PACS2: variants seen among roughly 807,000 people sequenced by gnomAD.
PACS2 encodes PACS1-like protein.
A neutral mutation model predicts 113.0 loss-of-function variants in PACS2; 36 were observed. That is an observed-to-expected ratio of 0.32 (90% CI 0.24 to 0.42). The LOEUF is 0.42. PACS2 is among the 10% of genes least tolerant of loss of function. The probability of loss-of-function intolerance (pLI) is 1.00; values close to 1 mark genes in which losing one functional copy is unlikely to be tolerated. For missense variants in PACS2, 1,015 were observed against 1,239.5 expected (o/e 0.82, Z 2.72); for synonymous variants, 589 against 536.1 (o/e 1.10, Z -1.36).
rs2141005863 is a variant in PACS2, at chr14:105,348,769, G to A, written c.207+189G>A. 1.7e-6 allele frequency: 1 copy of A among 580,844 alleles called. No homozygotes were observed. The highest frequency in any genetic ancestry group is 3.0e-5 in the Admixed American group (1 of 33,276). The allele number at this position is 580,844 out of a possible 1,614,324, so 36.0% of individuals were successfully genotyped here. A position where few individuals can be genotyped will look rare whatever the true frequency, so the allele number is the denominator to read the frequency against. ...TGGGTCCAGTCCTGTCCCGCACAAG[G>A]GAGGCAGGCCCGGCCTTCTGGGATG... On this transcript the variant is annotated intron_variant, in intron 2 of 24. Transcript: ENST00000447393. This position sits in a 1 kb window ranked among gnomAD's most constrained non-coding sequence, Gnocchi z 6.4.
chr14:105,362,765 C>A (rs2060777185), intron 4 of PACS2, among the ~76,000 whole-genome samples: 1 of 151,732 alleles, frequency 6.6e-6, no homozygotes, highest in South Asian at 2.1e-4. Flanking sequence ...GCAGGAGAAT[C>A]GCTTGAACCT....
chr14:105,384,006 C>G, intron 16 of PACS2: 1 of 328,374 alleles, frequency 3.0e-6, no homozygotes, highest in Middle Eastern at 9.8e-4. Flanking sequence ...TGTTGACCAG[C>G]AGCAAGGCCT....
At position 105,382,531 on chromosome 14, in the gene PACS2, C is replaced by T; in HGVS notation, c.1468C>T (p.Gln490Ter). Residue 490 changes from glutamine (Q) to a stop codon, truncating the protein, a stop_gained, in exon 14 of 25, where the codon CAG becomes TAG. Transcript: ENST00000447393. LOFTEE classifies it high-confidence loss of function. ...CAACCACATCCTCATCTCCGATGAC[C>T]AGCTTCCCGAAAACATCATCCTTGT... ...QLNHILISDD[Q>*]LPENIILVNT... 6.2e-7 allele frequency: 1 copy of T among 1,613,536 alleles called. No individual in the cohort carries two copies. Among genetic ancestry groups the T allele is most frequent in the Non-Finnish European group, 8.5e-7 (1 of 1,179,478 alleles).
chr14:105,380,505 C>T (rs190517269), intron 11 of PACS2, among the ~76,000 whole-genome samples: 2,125 of 148,956 alleles, frequency 0.014, 59 homozygotes, highest in African/African-American at 0.05. Flanking sequence ...ACTCACCCCA[C>T]CCTCAGGGTC....
chr14:105,343,075 G>T (rs2059794362), intron 1 of PACS2, among the ~76,000 whole-genome samples: 1 of 152,066 alleles, frequency 6.6e-6, no homozygotes, highest in African/African-American at 2.4e-5. Context: ...GTCCCCAGCA[G>T]CCACCCTCCC....
At chr14:105,333,254 T>C (rs2059373481) in intron 1 of PACS2, among the ~76,000 whole-genome samples, 3 of 152,168 alleles carry the variant, frequency 2.0e-5, no homozygotes, top group African/African-American at 7.2e-5. Context: ...GCTGGAGTCA[T>C]CCTCCTGCCC....
At chr14:105,300,823 C>T (rs896614532) in exon 1 of PACS2, 5 of 208,020 alleles carry the variant, frequency 2.4e-5, no homozygotes, top group African/African-American at 1.2e-4. Context: ...CGGCCGCGCC[C>T]GCGGGATGGG....
intron 1 of PACS2, among the ~76,000 whole-genome samples, chr14:105,332,737 TC>T (rs1309013556): frequency 6.6e-6 from 1 of 151,942 alleles, no homozygotes; most frequent in African/African-American, 2.4e-5. Flanking sequence ...GAGGTCTGAG[TC>T]CCCCGCAGGA....
chr14:105,361,181 G>A (rs181251545), intron 4 of PACS2, among the ~76,000 whole-genome samples: 92 of 152,280 alleles, frequency 6.0e-4, no homozygotes, highest in African/African-American at 2.1e-3. Flanking sequence ...AATCACAGAT[G>A]TTCTTCATGG....
intron 18 of PACS2, among the ~76,000 whole-genome samples, chr14:105,385,437 G>A (rs184304567): frequency 3.5e-4 from 54 of 152,286 alleles, no homozygotes; most frequent in Admixed American, 2.5e-3. Context: ...GCCCCCGGCC[G>A]AAAGTCCTGC....
intron 1 of PACS2, among the ~76,000 whole-genome samples, chr14:105,326,495 G>A (rs2059114110): frequency 6.6e-6 from 1 of 152,252 alleles, no homozygotes; most frequent in African/African-American, 2.4e-5. Flanking sequence ...TCGTTCCTCT[G>A]AGCACCAAGG....
intron 18 of PACS2, 66 bp from the exon 19 acceptor site, chr14:105,385,619 G>A (rs1224942058): frequency 1.5e-5 from 17 of 1,168,646 alleles, no homozygotes; most frequent in Non-Finnish European, 1.7e-5. Flanking sequence ...GCCCTCGGCG[G>A]TCCCTGGAGG....
chr14:105,359,075 A>T (rs1595689246), intron 4 of PACS2, among the ~76,000 whole-genome samples: 4 of 152,042 alleles, frequency 2.6e-5, no homozygotes, highest in Admixed American at 2.6e-4. Flanking sequence ...GCCTGGTCAC[A>T]CACACGTCCA....
chr14:105,382,758 G>C (rs1468713786), intron 14 of PACS2, 49 bp from the exon 15 acceptor site: 1 of 1,219,454 alleles, frequency 8.2e-7, no homozygotes, highest in Non-Finnish European at 1.2e-6. Flanking sequence ...GGTGCTGGGG[G>C]TGGCCTGGGC....
intron 3 of PACS2, among the ~76,000 whole-genome samples, chr14:105,353,783 G>A (rs1309085558): frequency 6.6e-6 from 1 of 151,932 alleles, no homozygotes; most frequent in Non-Finnish European, 1.5e-5. Flanking sequence ...TAGTTGAGAC[G>A]GGGTTTCACC....
chr14:105,374,044 A>T (rs981002941), intron 8 of PACS2, among the ~76,000 whole-genome samples: 1 of 151,778 alleles, frequency 6.6e-6, no homozygotes, highest in African/African-American at 2.4e-5. Flanking sequence ...AGTCCCTGCT[A>T]CCTGGGAGGC....
At chr14:105,321,867 A>G (rs1299499230) in intron 1 of PACS2, among the ~76,000 whole-genome samples, 1 of 150,912 alleles carries the variant, frequency 6.6e-6, no homozygotes, top group Non-Finnish European at 1.5e-5. Context: ...ACCTTTGTAT[A>G]TCCTTACATA....
intron 1 of PACS2, among the ~76,000 whole-genome samples, chr14:105,339,285 C>G (rs1044056099): frequency 2.0e-5 from 3 of 149,054 alleles, no homozygotes; most frequent in South Asian, 4.3e-4. Context: ...GGTGGGGGGA[C>G]CACCTGAGGT....
chr14:105,343,492 C>G (rs1353946289), intron 1 of PACS2, among the ~76,000 whole-genome samples: 1 of 152,122 alleles, frequency 6.6e-6, no homozygotes, highest in African/African-American at 2.4e-5. Context: ...TATGGAAGTC[C>G]CAGTGGTTTT....
Sources: gnomAD v4.1 joint callset for allele counts (sites outside exome capture counted in the v4.1 genomes callset) on GRCh38, gnomAD v4.1.1 for gene constraint, Gnocchi (gnomAD v3.1) non-coding constraint, MANE v1.5 for transcripts, NCBI Gene and HGNC (gene_info 2026-07-23, HGNC 2026-07-21) for gene names.